Variants in SAMD12 observed in about 807,000 individuals in gnomAD.
The protein encoded by SAMD12 is sterile alpha motif domain-containing protein 12.
In SAMD12, 9 loss-of-function variants were observed where a neutral mutation model predicts 15.0. The observed-to-expected ratio is 0.60, with a 90% CI of 0.36 to 1.05. The LOEUF (loss-of-function observed/expected upper bound fraction) is 1.05, where lower values mean the gene tolerates loss of function less well. SAMD12 is among the 50% of genes least tolerant of loss of function. The pLI, the probability that SAMD12 is intolerant of heterozygous loss-of-function variation, is 0.01. For missense variants in SAMD12, 230 were observed against 234.2 expected (o/e 0.98, Z 0.12); for synonymous variants, 86 against 90.1 (o/e 0.96, Z 0.25).
At chr8:118,574,060 G>C (rs1490568553) in intron 2 of SAMD12, among the ~76,000 whole-genome samples, 2 of 152,198 alleles carry the variant, frequency 1.3e-5, no homozygotes, top group Admixed American at 1.3e-4. Context: ...CATTTAGTTA[G>C]GGTGGTCAGG....
chr8:118,597,643 T>C (rs1267676400), intron 1 of SAMD12, among the ~76,000 whole-genome samples: 1 of 152,310 alleles, frequency 6.6e-6, no homozygotes, highest in East Asian at 1.9e-4. Flanking sequence ...TGCCAACTGA[T>C]ACTAAAATAA....
intron 4 of SAMD12, among the ~76,000 whole-genome samples, chr8:118,213,714 C>T (rs1202333743): frequency 6.6e-6 from 1 of 152,096 alleles, no homozygotes; most frequent in Non-Finnish European, 1.5e-5. Context: ...GTTCTAGAAT[C>T]CCAAAGAGCA....
intron 2 of SAMD12, among the ~76,000 whole-genome samples, chr8:118,456,018 G>A (rs1271496197): frequency 6.6e-6 from 1 of 152,158 alleles, no homozygotes; most frequent in Non-Finnish European, 1.5e-5. Context: ...CACAATCAGA[G>A]TAAACTTATA....
In SAMD12 at chr8:118,378,779, T is replaced by G. The variant is rs1285888325; in HGVS notation, c.*638A>C. On this transcript the variant is annotated 3_prime_UTR_variant, in exon 4 of 4. Coordinates refer to ENST00000314727, the MANE Select transcript of SAMD12 (RefSeq NM_207506.3). ...AGGTTGATAGCATCCAAATCTCATG[T>G]AGACATATCAGTTACATATAGTGTA... 6.1e-6 allele frequency: 6 copies of G among 984,370 alleles called. No individual in the cohort carries two copies. The highest frequency in any genetic ancestry group is 7.2e-6 in the Non-Finnish European group (6 of 829,088). 61.0% of individuals were successfully genotyped at this position (984,370 alleles called of 1,614,324 possible). A position where few individuals can be genotyped will look rare whatever the true frequency, so the allele number is the denominator to read the frequency against.
the SAMD12 span, among the ~76,000 whole-genome samples, chr8:118,141,863 T>A: frequency 2.6e-5 from 4 of 152,190 alleles, no homozygotes; most frequent in Admixed American, 2.6e-4. Context: ...AACAGAGGGC[T>A]AGGAAGGGCT....
At chr8:118,547,213 T>TA (rs1427297501) in intron 2 of SAMD12, among the ~76,000 whole-genome samples, 9 of 152,280 alleles carry the variant, frequency 5.9e-5, no homozygotes, top group African/African-American at 1.9e-4. Context: ...ACGTCTTTTT[T>TA]AAAAAAAATG....
the SAMD12 span, among the ~76,000 whole-genome samples, chr8:118,170,843 T>G: frequency 1.3e-5 from 2 of 152,072 alleles, no homozygotes; most frequent in African/African-American, 4.8e-5. Flanking sequence ...ACACTAAAAT[T>G]AAGAATTTTA....
intron 4 of SAMD12, among the ~76,000 whole-genome samples, chr8:118,253,977 T>C (rs1812873983): frequency 6.6e-6 from 1 of 152,130 alleles, no homozygotes; most frequent in Non-Finnish European, 1.5e-5. Context: ...AAAGGGTCCA[T>C]TGTATCCAAG....
chr8:118,413,182 T>C (rs4876828), intron 3 of SAMD12, among the ~76,000 whole-genome samples: 141,939 of 151,942 alleles, frequency 0.93, 66,576 homozygotes, highest in Non-Finnish European at 0.98. Flanking sequence ...ACTCAGCAAA[T>C]GTAGCCTAAA....
chr8:118,275,634 G>C (rs985160296), intron 4 of SAMD12, among the ~76,000 whole-genome samples: 1 of 152,106 alleles, frequency 6.6e-6, no homozygotes, highest in East Asian at 1.9e-4. Context: ...ACTGAGGTTT[G>C]AGATACAAAT....
intron 2 of SAMD12, among the ~76,000 whole-genome samples, chr8:118,507,223 C>T (rs918851155): frequency 2.6e-5 from 4 of 151,934 alleles, no homozygotes; most frequent in Non-Finnish European, 5.9e-5. Context: ...AAAGTCTCCC[C>T]GACTTGTTTA....
chr8:118,619,069 G>A (rs573976752), intron 1 of SAMD12, among the ~76,000 whole-genome samples: 92 of 152,228 alleles, frequency 6.0e-4, no homozygotes, highest in Middle Eastern at 3.4e-3. Context: ...ATGGCCATGC[G>A]CTGCAGGACA....
At chr8:118,187,403 T>C (rs1413443566), downstream of SAMD12, among the ~76,000 whole-genome samples, 1 of 151,950 alleles carries the variant, frequency 6.6e-6, no homozygotes, top group African/African-American at 2.4e-5. Flanking sequence ...CAGAAAAAAA[T>C]CTCCTCAACC....
rs147804998 is a variant in SAMD12, at chr8:118,228,554, G to A, written c.434-30822C>T. 7.4e-3 allele frequency among the ~76,000 whole-genome samples: 1,133 copies of A among 152,206 alleles called. 20 individuals are homozygous for A. The highest frequency in any genetic ancestry group is 0.026 in the African/African-American group (1,074 of 41,540). ...TGAAAAAATGCTCAACATTACTCAT[G>A]ATCAGGGAAATGCAAATCAAAACCA... On this transcript the variant is annotated intron_variant, in intron 4 of 4. Coordinates refer to the SAMD12 transcript ENST00000409003.
At chr8:118,335,830 C>T (rs543233547) in intron 4 of SAMD12, among the ~76,000 whole-genome samples, 3 of 152,292 alleles carry the variant, frequency 2.0e-5, no homozygotes, top group South Asian at 4.1e-4. Context: ...CAGCCTCGAC[C>T]TGCTTGGCTC....
At chr8:118,413,500 C>T (rs542182577) in intron 3 of SAMD12, among the ~76,000 whole-genome samples, 1 of 152,190 alleles carries the variant, frequency 6.6e-6, no homozygotes, top group Non-Finnish European at 1.5e-5. Context: ...AATTCTGCAA[C>T]CTTAGAATCA....
At chr8:118,478,469 C>A (rs1305903807) in intron 2 of SAMD12, among the ~76,000 whole-genome samples, 2 of 152,172 alleles carry the variant, frequency 1.3e-5, no homozygotes, top group Non-Finnish European at 2.9e-5. Context: ...GCTGCATAAA[C>A]CCAAGGAAAG....
chr8:118,285,286 C>A (rs1471285596), intron 4 of SAMD12, among the ~76,000 whole-genome samples: 3 of 152,110 alleles, frequency 2.0e-5, no homozygotes, highest in Non-Finnish European at 4.4e-5. Flanking sequence ...AGTCTGAAAT[C>A]AACTTTCCGT....
rs559116461 is a variant in SAMD12 at position 118,551,326 on chromosome 8, C to T, written c.192+29389G>A. The stretch of plus-strand genomic sequence containing the variant: ...AAGAACAGAAATTATAACAAACTGT[C>T]TCTCAGACCATAGTGCAATCAAACT... On this transcript the variant is annotated intron_variant, in intron 2 of 3. Transcript: ENST00000314727. Among the ~76,000 whole-genome samples, 4 of 152,276 alleles carry T rather than the reference C, an allele frequency of 2.6e-5. No homozygotes were observed. In the East Asian group the frequency reaches 7.7e-4, roughly 29 times the overall value.
Sources: gnomAD v4.1 joint callset for allele counts (sites outside exome capture counted in the v4.1 genomes callset) on GRCh38, gnomAD v4.1.1 for gene constraint, MANE v1.5 for transcripts, NCBI Gene and HGNC (gene_info 2026-07-23, HGNC 2026-07-21) for gene names.